ZRANB3: variants seen among roughly 807,000 people sequenced by gnomAD.
The protein encoded by ZRANB3 is DNA annealing helicase and endonuclease ZRANB3.
Under a neutral mutation model 133.8 loss-of-function variants are expected in ZRANB3, and 125 were observed. That is an observed-to-expected ratio of 0.93 (90% CI 0.81 to 1.08). The LOEUF is 1.08. ZRANB3 is among the 50% of genes least tolerant of loss of function. The pLI, the probability that ZRANB3 is intolerant of heterozygous loss-of-function variation, is 0.00. For synonymous variants in ZRANB3, 387 were observed against 432.7 expected (o/e 0.89, Z 1.31); for missense variants, 1,229 against 1,275.5 (o/e 0.96, Z 0.56).
At chr2:135,353,769 T>C (rs1052260305) in intron 3 of ZRANB3, 141 bp from the exon 4 acceptor site, 142 of 472,720 alleles carry the variant, frequency 3.0e-4, no homozygotes, top group Non-Finnish European at 4.3e-4. Context: ...GGGAGGCTGA[T>C]GCAGGTGGAT....
In ZRANB3 at chr2:135,217,523, G is replaced by C. The variant is rs757781060; in HGVS notation, c.2437C>G (p.Pro813Ala). 6.2e-7 allele frequency: 1 copy of C among 1,613,532 alleles called. No homozygotes were observed. Among genetic ancestry groups the C allele is most frequent in the South Asian group, 1.1e-5 (1 of 90,984 alleles). ...GTGATCTCTTCCAAAGCAAGAATTG[G>C]GCTACAGAATAGCTGTCCACTTTTC... ...IRKSGQLFCS[P>A]ILALEEITKQ... Residue 813 changes from proline (P) to alanine (A), a missense_variant, in exon 17 of 21, where the codon CCA becomes GCA. Transcript: ENST00000264159.
In ZRANB3 at chr2:135,350,711, G is replaced by A. The variant is rs16831554; in HGVS notation, c.360-496C>T. Reference sequence around the variant, plus strand: ...ACTTAACAGGGCTGTTCAGTGCACCGCAGAGCTTCATTTCCTGGTCCTACC... The same window carrying A: ...ACTTAACAGGGCTGTTCAGTGCACCACAGAGCTTCATTTCCTGGTCCTACC... On this transcript the variant is annotated intron_variant, in intron 4 of 20. Transcript: ENST00000264159. Among the ~76,000 whole-genome samples, 335 of 152,210 alleles carry A rather than the reference G, an allele frequency of 2.2e-3. 4 individuals carry two copies. Among genetic ancestry groups the A allele is most frequent in the African/African-American group, 7.6e-3 (315 of 41,554 alleles).
intron 2 of ZRANB3, among the ~76,000 whole-genome samples, chr2:135,403,115 T>C (rs1687818289): frequency 1.3e-5 from 2 of 152,084 alleles, no homozygotes; most frequent in African/African-American, 4.8e-5. Context: ...TGCAGGACAG[T>C]AGGTGCAGTG....
At chr2:135,503,224 T>C in intron 2 of ZRANB3, among the ~76,000 whole-genome samples, 1 of 152,166 alleles carries the variant, frequency 6.6e-6, no homozygotes, top group Non-Finnish European at 1.5e-5. Context: ...TACATATATT[T>C]AAGTATATAT....
chr2:135,216,087 C>CTT (rs201151682), intron 17 of ZRANB3, among the ~76,000 whole-genome samples: 1 of 145,658 alleles, frequency 6.9e-6, no homozygotes. Context: ...GTCTCCATCC[C>CTT]TTTTTTTTTT....
intron 4 of ZRANB3, among the ~76,000 whole-genome samples, chr2:135,352,663 C>T (rs1685263823): frequency 6.6e-6 from 1 of 151,958 alleles, no homozygotes; most frequent in South Asian, 2.1e-4. Context: ...TTAAATATAC[C>T]TTTTATGTTA....
At chr2:135,315,721 C>T (rs776608469) in intron 6 of ZRANB3, among the ~76,000 whole-genome samples, 191 bp from the exon 7 acceptor site, 1 of 152,202 alleles carries the variant, frequency 6.6e-6, no homozygotes, top group African/African-American at 2.4e-5. Context: ...CTGCTTTAAA[C>T]TAGAGAAGAT....
At chr2:135,502,373 G>A (rs1199662134) in intron 2 of ZRANB3, among the ~76,000 whole-genome samples, 1 of 152,092 alleles carries the variant, frequency 6.6e-6, no homozygotes, top group Admixed American at 6.6e-5. Context: ...ATTTTGTTAG[G>A]ACTGGTTAAC....
intron 3 of ZRANB3, among the ~76,000 whole-genome samples, chr2:135,363,149 A>G (rs1430109043): frequency 1.3e-5 from 2 of 152,228 alleles, no homozygotes; most frequent in African/African-American, 4.8e-5. Flanking sequence ...ACACAGTGCC[A>G]AAAGAAGCAA....
At chr2:135,462,726 G>A (rs1690819018) in intron 2 of ZRANB3, among the ~76,000 whole-genome samples, 1 of 151,688 alleles carries the variant, frequency 6.6e-6, no homozygotes, top group Non-Finnish European at 1.5e-5. Flanking sequence ...CCTACCAGCT[G>A]GGATTACAGG....
intron 8 of ZRANB3, among the ~76,000 whole-genome samples, chr2:135,309,790 A>C (rs1682884849): frequency 6.6e-6 from 1 of 152,240 alleles, no homozygotes; most frequent in Admixed American, 6.5e-5. Context: ...CAAATTAGTC[A>C]ACAGATCCAA....
At chr2:135,320,110 A>G (rs1306668478) in intron 6 of ZRANB3, among the ~76,000 whole-genome samples, 1 of 152,062 alleles carries the variant, frequency 6.6e-6, no homozygotes, top group African/African-American at 2.4e-5. Context: ...GCACAACCAT[A>G]GTGCACTGCA....
At chr2:135,373,589 A>T (rs908498047) in intron 3 of ZRANB3, among the ~76,000 whole-genome samples, 5 of 152,082 alleles carry the variant, frequency 3.3e-5, no homozygotes, top group Admixed American at 3.3e-4. Context: ...GGAGTTCGAG[A>T]CAAGCCTGGC....
chr2:135,274,684 G>T (rs1473991968), intron 9 of ZRANB3, among the ~76,000 whole-genome samples: 1 of 151,740 alleles, frequency 6.6e-6, no homozygotes, highest in East Asian at 1.9e-4. Context: ...GGGGGATTTG[G>T]CAGGGTCATA....
intron 12 of ZRANB3, among the ~76,000 whole-genome samples, chr2:135,248,242 G>C (rs1417571860): frequency 6.6e-6 from 1 of 152,174 alleles, no homozygotes; most frequent in Non-Finnish European, 1.5e-5. Flanking sequence ...TCCAAGCCTG[G>C]GGCTCTAGCC....
At position 135,482,786 on chromosome 2, in the gene ZRANB3, G is replaced by A. The variant is rs991697753; in HGVS notation, c.161+21543C>T. 1.1e-4 allele frequency among the ~76,000 whole-genome samples: 17 copies of A among 152,332 alleles called. No individual in the cohort carries two copies. The South Asian group carries it at 1.7e-3, about 15-fold the overall frequency. On this transcript the variant is annotated intron_variant, in intron 2 of 20. Coordinates refer to ENST00000264159, the MANE Select transcript of ZRANB3 (RefSeq NM_032143.4). ...GATAGCTCTTATTATTTTGAAATAC[G>A]TTCCATCAGTACCTAATTTATTGAG...
At chr2:135,348,716 TC>T (rs1318842893) in intron 5 of ZRANB3, among the ~76,000 whole-genome samples, 2 of 152,280 alleles carry the variant, frequency 1.3e-5, no homozygotes, top group Non-Finnish European at 2.9e-5. Context: ...TGCCTCAGCC[TC>T]CCGGGTAGCT....
chr2:135,372,523 C>A (rs906326413), intron 3 of ZRANB3, among the ~76,000 whole-genome samples: 1 of 152,004 alleles, frequency 6.6e-6, no homozygotes, highest in African/African-American at 2.4e-5. Flanking sequence ...GCTGGCCAGG[C>A]GCGGTGGCTC....
At chr2:135,526,604 T>TGAGAC (rs980495789) in intron 1 of ZRANB3, among the ~76,000 whole-genome samples, 2 of 152,230 alleles carry the variant, frequency 1.3e-5, no homozygotes, top group African/African-American at 4.8e-5. Context: ...CATAACATTA[T>TGAGAC]GAGACAAGGA....
Sources: allele counts gnomAD v4.1 joint callset (sites outside exome capture counted in the v4.1 genomes callset), GRCh38; gene constraint gnomAD v4.1.1; transcripts MANE v1.5; gene names NCBI Gene and HGNC (gene_info 2026-07-23, HGNC 2026-07-21).